Variants in RAD54B observed in about 807,000 individuals in gnomAD.
RAD54B encodes the protein DNA repair and recombination protein RAD54B.
Under a neutral mutation model 95.8 loss-of-function variants are expected in RAD54B, and 78 were observed. The observed-to-expected ratio is 0.81, with a 90% CI of 0.68 to 0.98. The LOEUF (loss-of-function observed/expected upper bound fraction) is 0.98. Among genes scored for constraint, RAD54B ranks in the 50% least tolerant of loss-of-function variants. RAD54B has a pLI of 0.00. For missense variants in RAD54B, 957 were observed against 1,056.6 expected (o/e 0.91, Z 1.31); for synonymous variants, 328 against 354.9 (o/e 0.92, Z 0.85).
At chr8:94,407,378 C>A in intron 5 of RAD54B, 61 bp downstream of exon 5, 1 of 1,476,766 alleles carries the variant, frequency 6.8e-7, no homozygotes, top group South Asian at 1.4e-5. Context: ...ACTTCAAATT[C>A]ACACACAAAA....
intron 9 of RAD54B, among the ~76,000 whole-genome samples, chr8:94,392,841 T>TAG (rs1811055889): frequency 1.4e-5 from 2 of 147,892 alleles, no homozygotes; most frequent in African/African-American, 5.1e-5. Context: ...TTTTTTAGTT[T>TAG]TGTTTTTTTT....
chr8:94,383,748 A>T (rs1346327260), intron 11 of RAD54B, among the ~76,000 whole-genome samples: 1 of 150,748 alleles, frequency 6.6e-6, no homozygotes, highest in Non-Finnish European at 1.5e-5. Flanking sequence ...TCCCAAGGAT[A>T]AGATAGCCAA....
chr8:94,424,862 G>A (rs557675501), intron 3 of RAD54B, among the ~76,000 whole-genome samples: 1 of 152,098 alleles, frequency 6.6e-6, no homozygotes, highest in South Asian at 2.1e-4. Flanking sequence ...AGGAGTTCAA[G>A]ACCAGCCTGG....
At chr8:94,420,780 T>A (rs1811787461) in intron 3 of RAD54B, among the ~76,000 whole-genome samples, 1 of 150,554 alleles carries the variant, frequency 6.6e-6, no homozygotes, top group African/African-American at 2.4e-5. Context: ...AGGTCAGGAG[T>A]TCGAGACAAG....
intron 3 of RAD54B, among the ~76,000 whole-genome samples, chr8:94,426,428 A>G (rs554485265): frequency 2.0e-5 from 3 of 152,334 alleles, no homozygotes; most frequent in African/African-American, 7.2e-5. Context: ...ATCTTTATAC[A>G]TAATAGCCAA....
At chr8:94,437,910 C>A (rs1309099239) in intron 3 of RAD54B, among the ~76,000 whole-genome samples, 2 of 152,122 alleles carry the variant, frequency 1.3e-5, no homozygotes, top group Non-Finnish European at 2.9e-5. Context: ...ATAATGTAAG[C>A]AAGACAAACC....
intron 2 of RAD54B, among the ~76,000 whole-genome samples, chr8:94,462,016 A>G (rs1239154905): frequency 6.6e-6 from 1 of 152,116 alleles, no homozygotes; most frequent in African/African-American, 2.4e-5. Context: ...GTTTCCTTCA[A>G]TCTCTAACTT....
intron 3 of RAD54B, chr8:94,436,972 G>C: frequency 3.5e-6 from 5 of 1,429,630 alleles, no homozygotes; most frequent in Admixed American, 3.1e-5. Flanking sequence ...AACTAGGCTA[G>C]CCTCATTTAG....
intron 3 of RAD54B, among the ~76,000 whole-genome samples, chr8:94,422,610 AAAAAAAAATATATATATATATATATAT>A (rs1811838884): frequency 1.0e-5 from 1 of 95,246 alleles, no homozygotes; most frequent in Non-Finnish European, 1.9e-5. Context: ...AAAAAAAAAA[AAAAAAAAATATATATATATATATATAT>A]ATATATATAT....
rs754567049 is a variant in RAD54B, at chr8:94,399,447, T to C, written c.1345A>G (p.Ser449Gly). The C allele has an allele frequency of 6.2e-7, 1 of 1,613,612 alleles. No homozygotes were observed. The highest frequency in any genetic ancestry group is 8.5e-7 in the Non-Finnish European group (1 of 1,179,668). The change falls in exon 8 of 15, where the codon AGC (serine) becomes GGC (glycine). Residue 449 changes from serine to glycine, a missense_variant. Transcript: ENST00000336148. ...ATTATTCTTTTCTCACAAGAAAGGC[T>C]AATGAGGGCTGTAGTTGTCTTAATG... ...SAIKTTTALI[S>G]LSCEKRIILT...
chr8:94,402,989 C>T (rs1337821575), intron 6 of RAD54B, among the ~76,000 whole-genome samples: 3 of 152,152 alleles, frequency 2.0e-5, no homozygotes, highest in Non-Finnish European at 4.4e-5. Context: ...AGATGATTCA[C>T]AGACCAACTG....
At chr8:94,421,197 A>G (rs1226657436) in intron 3 of RAD54B, among the ~76,000 whole-genome samples, 1 of 152,132 alleles carries the variant, frequency 6.6e-6, no homozygotes, top group Non-Finnish European at 1.5e-5. Flanking sequence ...ATAAACCCAC[A>G]GGTTGTGTTT....
chr8:94,471,097 A>G (rs1211386126), intron 1 of RAD54B, among the ~76,000 whole-genome samples: 1 of 152,112 alleles, frequency 6.6e-6, no homozygotes, highest in African/African-American at 2.4e-5. Flanking sequence ...ACCTTCCTGT[A>G]TATGCACTAC....
intron 3 of RAD54B, among the ~76,000 whole-genome samples, chr8:94,422,862 C>T (rs1351452546): frequency 6.7e-6 from 1 of 149,152 alleles, no homozygotes; most frequent in Non-Finnish European, 1.5e-5. Flanking sequence ...GGCTATGTTC[C>T]ACTATCCTAT....
chr8:94,394,633 T>C (rs181338758), intron 8 of RAD54B, among the ~76,000 whole-genome samples: 26 of 152,292 alleles, frequency 1.7e-4, no homozygotes, highest in Middle Eastern at 3.4e-3. Context: ...ACCTTCTATA[T>C]ATTACATATA....
At chr8:94,373,175 A>T (rs1171894437) in intron 14 of RAD54B, 1 of 152,290 alleles carries the variant, frequency 6.6e-6, no homozygotes, top group African/African-American at 2.4e-5. Flanking sequence ...GGACACTGGC[A>T]TAGTCGAGCA....
intron 6 of RAD54B, 97 bp from the exon 7 acceptor site, chr8:94,400,560 C>A (rs542254719): frequency 1.3e-5 from 13 of 996,706 alleles, no homozygotes; most frequent in Admixed American, 1.1e-4. Context: ...TGTAATGACA[C>A]TGAAGACTTT....
chr8:94,385,637 C>G (rs561264146), intron 11 of RAD54B, among the ~76,000 whole-genome samples: 1 of 152,278 alleles, frequency 6.6e-6, no homozygotes, highest in South Asian at 2.1e-4. Flanking sequence ...AGGGGTCTCA[C>G]TCTATCACCT....
intron 11 of RAD54B, among the ~76,000 whole-genome samples, chr8:94,383,268 G>C (rs1307626630): frequency 8.2e-6 from 1 of 121,496 alleles, no homozygotes; most frequent in Non-Finnish European, 1.6e-5. Flanking sequence ...TTGGGCAACA[G>C]AGCAAGACTC....
Sources: allele counts gnomAD v4.1 joint callset (sites outside exome capture counted in the v4.1 genomes callset), GRCh38; gene constraint gnomAD v4.1.1; transcripts MANE v1.5; gene names NCBI Gene and HGNC (gene_info 2026-07-23, HGNC 2026-07-21).